The following MYO18A variants were observed in gnomAD, a reference collection of about 807,000 sequenced individuals.
MYO18A encodes unconventional myosin-XVIIIa.
MYO18A carries 78 observed loss-of-function variants against 235.8 expected under a neutral mutation model. That is an observed-to-expected ratio of 0.33 (90% CI 0.28 to 0.40). The LOEUF is 0.40. Among genes scored for constraint, MYO18A ranks in the 10% least tolerant of loss-of-function variants. The pLI is 1.00. For synonymous variants in MYO18A, 977 were observed against 1,077.8 expected, an observed-to-expected ratio of 0.91 and a Z score of 1.83; for missense variants, 2,215 against 2,699.3, an observed-to-expected ratio of 0.82 and a Z score of 3.98.
chr17:29,144,946 C>A (rs924919750), intron 2 of MYO18A, among the ~76,000 whole-genome samples: 11 of 152,172 alleles, frequency 7.2e-5, no homozygotes, highest in Admixed American at 1.3e-4. Context: ...TATAATATAG[C>A]TGCAGGAAAG....
At chr17:29,172,210 A>G (rs2068421374) in intron 1 of MYO18A, among the ~76,000 whole-genome samples, 2 of 152,192 alleles carry the variant, frequency 1.3e-5, no homozygotes, top group South Asian at 4.1e-4. Context: ...GCAATGGCTC[A>G]CGCCTGTAAT....
At chr17:29,168,051 T>G (rs1348870603) in intron 1 of MYO18A, among the ~76,000 whole-genome samples, 1 of 151,962 alleles carries the variant, frequency 6.6e-6, no homozygotes, top group Non-Finnish European at 1.5e-5. Flanking sequence ...ACACAGCTAA[T>G]AAATGGTGAT....
At position 29,093,316 on chromosome 17, in the gene MYO18A, C is replaced by G. The variant is rs763567682; in HGVS notation, c.4926+7G>C. 1 of 1,608,428 alleles carries G rather than the reference C, an allele frequency of 6.2e-7. No individual in the cohort carries two copies. The highest frequency in any genetic ancestry group is 8.5e-7 in the Non-Finnish European group (1 of 1,178,002). ...GGCCAGGCTTGGTGGGTGGAGCATC[C>G]CCTGACCTGGTCGCTGAGGGTGGCG... On this transcript the variant is annotated splice_region_variant and intron_variant, in intron 32 of 41. Transcript: ENST00000527372.
At position 29,150,511 on chromosome 17, in the gene MYO18A, CCTT is replaced by C. The variant is rs555765104; in HGVS notation, c.999+15428_999+15430del. Reference sequence around the variant, plus strand: ...GAAATTGCCAGAGAGGACAGCTCTTCCTTCTTGAGAGGAAGGGGAAATGCCACC... The same window carrying C: ...GAAATTGCCAGAGAGGACAGCTCTTCCTTGAGAGGAAGGGGAAATGCCACC... On this transcript the variant is annotated intron_variant, in intron 2 of 41. Transcript: ENST00000527372. Among the ~76,000 whole-genome samples, 47 of 152,342 alleles carry C rather than the reference CCTT, an allele frequency of 3.1e-4. No individual in the cohort carries two copies. In the South Asian group the frequency reaches 9.5e-3, roughly 31 times the overall value.
At chr17:29,095,424 T>G in intron 28 of MYO18A, among the ~76,000 whole-genome samples, 1 of 152,190 alleles carries the variant, frequency 6.6e-6, no homozygotes, top group East Asian at 1.9e-4. Flanking sequence ...AGGATAGAGA[T>G]GAGCACCCTG....
intron 28 of MYO18A, 25 bp downstream of exon 28, chr17:29,096,736 G>A (rs2066527023): frequency 6.4e-7 from 1 of 1,565,296 alleles, no homozygotes; most frequent in Admixed American, 1.8e-5. Flanking sequence ...AGGTTCTCTG[G>A]GCCCAGGGCA....
At chr17:29,094,345 C>T in intron 30 of MYO18A, 1 of 599,402 alleles carries the variant, frequency 1.7e-6, no homozygotes, top group Non-Finnish European at 3.0e-6. Context: ...CAGGCTCTAG[C>T]TCCCTGAACT....
chr17:29,093,472 T>G (rs1370274865), intron 31 of MYO18A, 45 bp from the exon 32 acceptor site: 1 of 1,488,064 alleles, frequency 6.7e-7, no homozygotes, highest in Middle Eastern at 1.7e-4. Flanking sequence ...CTTTAGTGCC[T>G]GGTGCGAAGC....
chr17:29,091,594 C>CT (rs914253820), intron 34 of MYO18A: 9 of 452,012 alleles, frequency 2.0e-5, no homozygotes, highest in South Asian at 3.1e-5. Context: ...TTATAACAAC[C>CT]TTTTTTAACA....
rs1387747768 is a variant in MYO18A at position 29,094,854 on chromosome 17, G to C, written c.4510-4C>G. 4 of 1,614,012 alleles carry C rather than the reference G, an allele frequency of 2.5e-6. No individual in the cohort carries two copies. The highest frequency in any genetic ancestry group is 3.4e-6 in the Non-Finnish European group (4 of 1,179,898). On this transcript the variant is annotated splice_region_variant and splice_polypyrimidine_tract_variant and intron_variant, in intron 29 of 41. Coordinates refer to ENST00000527372, the MANE Select transcript of MYO18A (RefSeq NM_078471.4). ...CTGCAATGTCCATGTCTTTTTCCTG[G>C]AGCAAAAGAGATGAGGCTGGTGCAG... is the stretch of plus-strand genomic sequence containing the variant.
Position 29,087,969 on chromosome 17 carries a change from A to G in MYO18A, c.5527-848T>C, listed in dbSNP as rs116169761. 2.1e-3 allele frequency among the ~76,000 whole-genome samples: 323 copies of G among 151,732 alleles called. 1 individual carries two copies. The highest frequency in any genetic ancestry group is 7.2e-3 in the African/African-American group (296 of 41,284). On this transcript the variant is annotated intron_variant, in intron 37 of 41. Coordinates refer to ENST00000527372, the MANE Select transcript of MYO18A (RefSeq NM_078471.4). ...CTTGATAGCTTTGTGACCTTAGGCA[A>G]CCCACTTAACCCTTCCTGTATGTAA... is the stretch of plus-strand genomic sequence containing the variant.
chr17:29,099,856 A>G, intron 21 of MYO18A, 94 bp from the exon 22 acceptor site: 6 of 1,515,098 alleles, frequency 4.0e-6, no homozygotes, highest in Non-Finnish European at 5.3e-6. Flanking sequence ...CAAGCAGGCC[A>G]GGGAGTACAG....
rs1303084456 is a variant in MYO18A, at chr17:29,097,343, C to T, written c.4110G>A (p.Glu1370=). The T allele has an allele frequency of 6.2e-7, 1 of 1,608,628 alleles. No homozygotes were observed. The highest frequency in any genetic ancestry group is 8.5e-7 in the Non-Finnish European group (1 of 1,179,822). The change falls in exon 27 of 42, where the codon GAG becomes GAA. Residue 1370 remains glutamate, a synonymous_variant. Coordinates refer to ENST00000527372, the MANE Select transcript of MYO18A (RefSeq NM_078471.4). ...CAGCCCGCTCATACTTCAGCCGCCA[C>T]TCGCCACCTGTGGGGTTGAGGCAGA... ...GEVDDDDAGG[E]WRLKYERAVR...
intron 2 of MYO18A, among the ~76,000 whole-genome samples, chr17:29,150,139 CG>C (rs2067937149): frequency 6.6e-6 from 1 of 152,216 alleles, no homozygotes; most frequent in Non-Finnish European, 1.5e-5. Flanking sequence ...TCAGGTTCCT[CG>C]TAACACTGGA....
intron 40 of MYO18A, among the ~76,000 whole-genome samples, chr17:29,083,558 A>ACACACACACG (rs1568038715): frequency 2.0e-5 from 3 of 151,588 alleles, no homozygotes; most frequent in Admixed American, 6.6e-5. Flanking sequence ...ACACACACAC[A>ACACACACACG]CGAAACCAGC....
Position 29,140,508 on chromosome 17 carries a change from G to A in MYO18A, c.1000-18255C>T, listed in dbSNP as rs563923256. The A allele has an allele frequency of 3.8e-5, 36 of 941,650 alleles. No homozygotes were observed. The South Asian group carries it at 4.2e-4, about 11-fold the overall frequency. The allele number at this position is 941,650 out of a possible 1,614,324, so 58.3% of individuals were successfully genotyped here. A position where few individuals can be genotyped will look rare whatever the true frequency, so the allele number is the denominator to read the frequency against. ...CAGCCCTAGTTGGAGCCAGCAGCCCGGAGGACTTCGGGTATCAGGTATGCC... is the reference window on the plus strand; with the variant it reads ...CAGCCCTAGTTGGAGCCAGCAGCCCAGAGGACTTCGGGTATCAGGTATGCC... On this transcript the variant is annotated intron_variant, in intron 2 of 41. Coordinates refer to ENST00000527372, the MANE Select transcript of MYO18A (RefSeq NM_078471.4). This position sits in a 1 kb window ranked among gnomAD's most constrained non-coding sequence, Gnocchi z 4.2.
rs1485077310 is a variant in MYO18A, at chr17:29,126,344, C to G, written c.1000-4091G>C. On this transcript the variant is annotated intron_variant, in intron 2 of 41. Transcript: ENST00000527372. This position sits in a 1 kb window ranked among gnomAD's most constrained non-coding sequence, Gnocchi z 4.1. ...GGGACGGGGAGGAGGGAGGGGAGGG[C>G]AGCCGCCCGGGAACAGGACCACGAC... Among the ~76,000 whole-genome samples the G allele has an allele frequency of 6.6e-6, 1 of 151,506 alleles. No homozygotes were observed. The highest frequency in any genetic ancestry group is 2.1e-4 in the South Asian group (1 of 4,814).
At chr17:29,160,265 G>A (rs576148095) in intron 2 of MYO18A, among the ~76,000 whole-genome samples, 2 of 152,348 alleles carry the variant, frequency 1.3e-5, no homozygotes, top group African/African-American at 2.4e-5. Context: ...CTGCTTCTCA[G>A]AGGCAATTGG....
chr17:29,123,291 C>T (rs575559082), intron 2 of MYO18A, among the ~76,000 whole-genome samples: 2 of 152,070 alleles, frequency 1.3e-5, no homozygotes, highest in Non-Finnish European at 2.9e-5. Context: ...TCATCCCGTG[C>T]CCCGGGTGGG....
Sources: allele counts gnomAD v4.1 joint callset (sites outside exome capture counted in the v4.1 genomes callset), GRCh38; gene constraint gnomAD v4.1.1; non-coding constraint Gnocchi (gnomAD v3.1); transcripts MANE v1.5; gene names NCBI Gene and HGNC (gene_info 2026-07-23, HGNC 2026-07-21).